Variants in DLG2 observed in about 807,000 individuals in gnomAD.
DLG2 encodes discs large MAGUK scaffold protein 2, also known as disks large homolog 2.
DLG2 carries 45 observed loss-of-function variants against 132.5 expected under a neutral mutation model. The ratio of observed to expected loss-of-function variants is 0.34; its 90% CI spans 0.27 to 0.44. The LOEUF is 0.44. DLG2 is among the 20% of genes least tolerant of loss of function. The pLI is 1.00. For missense variants in DLG2, 1,045 were observed against 1,196.9 expected, an observed-to-expected ratio of 0.87 and a Z score of 1.87; for synonymous variants, 424 against 419.6, an observed-to-expected ratio of 1.01 and a Z score of -0.13.
At chr11:84,368,774 T>C (rs1389454188) in intron 7 of DLG2, among the ~76,000 whole-genome samples, 1 of 152,108 alleles carries the variant, frequency 6.6e-6, no homozygotes, top group Non-Finnish European at 1.5e-5. Context: ...GAGTTCTGCT[T>C]TATAATAAGT....
chr11:84,145,005 T>C (rs886299108), intron 9 of DLG2, among the ~76,000 whole-genome samples: 2 of 152,188 alleles, frequency 1.3e-5, no homozygotes, highest in African/African-American at 4.8e-5. Flanking sequence ...TTATTTCCAA[T>C]ATTCTCAGAA....
chr11:84,030,735 TAG>T (rs1170850045), intron 11 of DLG2, among the ~76,000 whole-genome samples: 1 of 152,066 alleles, frequency 6.6e-6, no homozygotes, highest in African/African-American at 2.4e-5. Flanking sequence ...AGACTAAGGT[TAG>T]AGTTCTTCTA....
chr11:84,711,383 C>T (rs61899032), intron 6 of DLG2, among the ~76,000 whole-genome samples: 1 of 26,212 alleles, frequency 3.8e-5, no homozygotes, highest in African/African-American at 5.3e-4. Context: ...AGAGAGAGAT[C>T]GATCGATCTA....
intron 4 of DLG2, among the ~76,000 whole-genome samples, chr11:85,263,232 G>T (rs1264764067): frequency 6.6e-6 from 1 of 152,196 alleles, no homozygotes; most frequent in Non-Finnish European, 1.5e-5. Context: ...CTCAATCCAG[G>T]TACAAGAGGA....
intron 6 of DLG2, among the ~76,000 whole-genome samples, chr11:84,550,475 A>C (rs1327943278): frequency 6.6e-6 from 1 of 152,182 alleles, no homozygotes; most frequent in Non-Finnish European, 1.5e-5. Context: ...AGGTGCTGAA[A>C]TTGCCTTCAC....
intron 7 of DLG2, among the ~76,000 whole-genome samples, chr11:84,347,830 C>G (rs772983263): frequency 2.6e-5 from 4 of 152,162 alleles, no homozygotes; most frequent in Non-Finnish European, 4.4e-5. Context: ...ATTTGTCACT[C>G]TTAGGCACAT....
chr11:83,579,664 T>G (rs974751825), intron 19 of DLG2, among the ~76,000 whole-genome samples: 1 of 151,752 alleles, frequency 6.6e-6, no homozygotes, highest in Non-Finnish European at 1.5e-5. Flanking sequence ...TGAAAAAAAA[T>G]AAATAAAATA....
intron 11 of DLG2, among the ~76,000 whole-genome samples, chr11:84,030,057 T>C (rs1354515330): frequency 1.3e-5 from 2 of 152,128 alleles, no homozygotes; most frequent in Admixed American, 1.3e-4. Flanking sequence ...TCTCACACAT[T>C]TGTTTCCTTA....
chr11:85,096,553 G>T (rs1252095515), intron 6 of DLG2, among the ~76,000 whole-genome samples: 1 of 151,066 alleles, frequency 6.6e-6, no homozygotes, highest in African/African-American at 2.4e-5. Context: ...CCATCTTTAA[G>T]AGCTGTAACA....
chr11:84,307,150 T>C (rs970421905), intron 7 of DLG2, among the ~76,000 whole-genome samples: 13 of 152,152 alleles, frequency 8.5e-5, no homozygotes, highest in African/African-American at 2.9e-4. Context: ...ATTGATAACA[T>C]GGAACACTAT....
At chr11:85,421,267 G>C (rs2090285739) in intron 3 of DLG2, among the ~76,000 whole-genome samples, 1 of 151,940 alleles carries the variant, frequency 6.6e-6, no homozygotes, top group South Asian at 2.1e-4. Flanking sequence ...GTCCTTTGTG[G>C]GTTGCACCCA....
At chr11:83,885,513 G>A (rs964172467) in intron 15 of DLG2, among the ~76,000 whole-genome samples, 1 of 152,182 alleles carries the variant, frequency 6.6e-6, no homozygotes, top group African/African-American at 2.4e-5. Flanking sequence ...AATCAAGCTG[G>A]AAAACACTCT....
chr11:83,817,048 T>C (rs117743784), intron 17 of DLG2, among the ~76,000 whole-genome samples: 4,592 of 152,318 alleles, frequency 0.03, 101 homozygotes, highest in Middle Eastern at 0.085. Flanking sequence ...CTTAAAATAG[T>C]AATCTAGCTT....
rs536977805 is a variant in DLG2 at position 83,516,664 on chromosome 11, G to A, written c.2193+16044C>T. On this transcript the variant is annotated intron_variant, in intron 21 of 27. Coordinates refer to ENST00000376104, the MANE Select transcript of DLG2 (RefSeq NM_001142699.3). ...GCATGATTTTGCAGTGGCTGGTACC[G>A]GTTGTTCATTTCCATGTTTAGTGCT... Among the ~76,000 whole-genome samples the A allele has an allele frequency of 5.9e-5, 9 of 152,262 alleles. No homozygotes were observed. The South Asian group carries it at 1.2e-3, about 21-fold the overall frequency.
At chr11:83,720,123 T>C (rs910033735) in intron 18 of DLG2, among the ~76,000 whole-genome samples, 3 of 150,802 alleles carry the variant, frequency 2.0e-5, no homozygotes, top group Non-Finnish European at 4.4e-5. Context: ...CAAAACCCCA[T>C]CTCTACTAAA....
At chr11:84,155,634 C>T (rs1391729345) in intron 9 of DLG2, among the ~76,000 whole-genome samples, 1 of 151,902 alleles carries the variant, frequency 6.6e-6, no homozygotes, top group Non-Finnish European at 1.5e-5. Flanking sequence ...TACCAGCCCC[C>T]ACTGTTTTTA....
intron 6 of DLG2, among the ~76,000 whole-genome samples, chr11:84,583,350 G>A (rs1397989812): frequency 1.3e-5 from 2 of 152,274 alleles, no homozygotes; most frequent in African/African-American, 4.8e-5. Context: ...ATGAACAACT[G>A]CTTTGTTTGA....
At chr11:84,964,190 GA>G (rs202061288) in intron 6 of DLG2, among the ~76,000 whole-genome samples, 1 of 151,216 alleles carries the variant, frequency 6.6e-6, no homozygotes, top group South Asian at 2.1e-4. Flanking sequence ...GCATATATCA[GA>G]AAAAAAACAG....
At chr11:84,236,474 C>T (rs2097159627) in intron 8 of DLG2, among the ~76,000 whole-genome samples, 1 of 152,206 alleles carries the variant, frequency 6.6e-6, no homozygotes, top group Admixed American at 6.5e-5. Context: ...TTTCTTCTCT[C>T]AGTATTTTTG....
Sources: allele counts gnomAD v4.1 joint callset (sites outside exome capture counted in the v4.1 genomes callset), GRCh38; gene constraint gnomAD v4.1.1; transcripts MANE v1.5; gene names NCBI Gene and HGNC (gene_info 2026-07-23, HGNC 2026-07-21).